The following PHYHIPL variants were observed in gnomAD, a reference collection of about 807,000 sequenced individuals.
The protein encoded by PHYHIPL is phytanoyl-CoA 2-hydroxylase interacting protein like.
A neutral mutation model predicts 33.4 loss-of-function variants in PHYHIPL; 9 were observed. The observed-to-expected ratio is 0.27, with a 90% CI of 0.16 to 0.47. PHYHIPL has a LOEUF of 0.47. PHYHIPL is among the 20% of genes least tolerant of loss of function. PHYHIPL has a pLI of 0.99. For missense variants in PHYHIPL, 365 were observed against 460.7 expected (o/e 0.79, Z 1.90); for synonymous variants, 153 against 154.1 (o/e 0.99, Z 0.05).
At chr10:59,225,256 T>C (rs1038175021) in intron 1 of PHYHIPL, among the ~76,000 whole-genome samples, 2 of 150,690 alleles carry the variant, frequency 1.3e-5, no homozygotes, top group Admixed American at 1.3e-4. Context: ...TGGAATCCCA[T>C]TGTAAAAGTT....
At chr10:59,206,539 AT>A (rs1249081598) in intron 1 of PHYHIPL, among the ~76,000 whole-genome samples, 1 of 152,224 alleles carries the variant, frequency 6.6e-6, no homozygotes, top group African/African-American at 2.4e-5. Context: ...AATTCTGGAA[AT>A]TCTAGAAATT....
At chr10:59,199,760 G>A (rs1359995650) in intron 1 of PHYHIPL, among the ~76,000 whole-genome samples, 1 of 152,104 alleles carries the variant, frequency 6.6e-6, no homozygotes, top group Non-Finnish European at 1.5e-5. Context: ...TCTCCTTGAA[G>A]AGGTCCTTCA....
intron 1 of PHYHIPL, among the ~76,000 whole-genome samples, chr10:59,183,174 A>G (rs1383463239): frequency 2.0e-5 from 3 of 151,842 alleles, no homozygotes; most frequent in African/African-American, 4.8e-5. Flanking sequence ...CTCAAAGGCT[A>G]TACAAGGTCT....
intron 1 of PHYHIPL, chr10:59,177,243 C>G (rs1052956310): frequency 1.7e-6 from 1 of 583,824 alleles, no homozygotes; most frequent in Non-Finnish European, 2.9e-6. Context: ...CGTTCCCGCT[C>G]GCGGCTCCTG....
intron 1 of PHYHIPL, among the ~76,000 whole-genome samples, chr10:59,178,631 G>A: frequency 6.6e-6 from 1 of 152,046 alleles, no homozygotes; most frequent in East Asian, 1.9e-4. Context: ...AATGGAATTA[G>A]GCATTCATTG....
At chr10:59,206,254 A>G (rs1839282039) in intron 1 of PHYHIPL, among the ~76,000 whole-genome samples, 1 of 152,142 alleles carries the variant, frequency 6.6e-6, no homozygotes, top group Non-Finnish European at 1.5e-5. Context: ...CTTGATACAA[A>G]CAATAACCTA....
intron 1 of PHYHIPL, among the ~76,000 whole-genome samples, chr10:59,218,390 A>G (rs923719369): frequency 6.6e-6 from 1 of 152,148 alleles, no homozygotes; most frequent in Admixed American, 6.6e-5. Context: ...AAATTTTACT[A>G]ATTTAAGTAA....
Position 59,245,890 on chromosome 10 carries a change from T to C in PHYHIPL, c.*299T>C, listed in dbSNP as rs534242487. 4 of 309,530 alleles carry C rather than the reference T, an allele frequency of 1.3e-5. No individual in the cohort carries two copies. The highest frequency in any genetic ancestry group is 8.6e-5 in the African/African-American group (4 of 46,518). The allele number at this position is 309,530 out of a possible 1,614,324, so 19.2% of individuals were successfully genotyped here. On this transcript the variant is annotated 3_prime_UTR_variant, in exon 5 of 5. Coordinates refer to ENST00000373880, the MANE Select transcript of PHYHIPL (RefSeq NM_032439.4). ...TTTATGCCAAACATAACAAAACAGT[T>C]ATATAGACTGCTTTAGCAAAGTACA...
rs1049529376 is a variant in PHYHIPL, at chr10:59,236,355, TTCCCTTCTTCCTTCCCTCCTTC to T, written c.304-120_304-99del. ...TTTCCCTCCTTCCTTCCCTCCCTCC[TTCCCTTCTTCCTTCCCTCCTTC>T]TCCCTTCCCTCCTTCCTCCCTTCTC... On this transcript the variant is annotated intron_variant, in intron 2 of 4. Transcript: ENST00000373880. The T allele has an allele frequency of 4.4e-4, 205 of 463,776 alleles. 1 individual carries two copies. In the East Asian group the frequency reaches 5.9e-3, roughly 13 times the overall value. 28.7% of individuals were successfully genotyped at this position (463,776 alleles called of 1,614,324 possible). A position where few individuals can be genotyped will look rare whatever the true frequency, so the allele number is the denominator to read the frequency against.
intron 1 of PHYHIPL, chr10:59,219,269 G>T: frequency 2.2e-6 from 2 of 924,622 alleles, no homozygotes; most frequent in Non-Finnish European, 2.6e-6. Context: ...GGAATAAATT[G>T]CTGTAGTGTT....
chr10:59,197,704 T>C (rs567307035), intron 1 of PHYHIPL, among the ~76,000 whole-genome samples: 1 of 152,326 alleles, frequency 6.6e-6, no homozygotes, highest in East Asian at 1.9e-4. Context: ...CACTTTACTT[T>C]TACTTATTTA....
chr10:59,194,729 C>T (rs935647478), intron 1 of PHYHIPL, among the ~76,000 whole-genome samples: 10 of 152,104 alleles, frequency 6.6e-5, no homozygotes, highest in East Asian at 1.9e-4. Flanking sequence ...CTTAAAACAA[C>T]GGTTTCTTAA....
At chr10:59,205,075 G>A (rs1412300541) in intron 1 of PHYHIPL, among the ~76,000 whole-genome samples, 2 of 152,052 alleles carry the variant, frequency 1.3e-5, no homozygotes, top group Non-Finnish European at 2.9e-5. Flanking sequence ...GGTTGGCCTC[G>A]AACTCCTGAC....
chr10:59,205,387 G>GA (rs1342774657), intron 1 of PHYHIPL, among the ~76,000 whole-genome samples: 1 of 152,012 alleles, frequency 6.6e-6, no homozygotes, highest in Non-Finnish European at 1.5e-5. Context: ...CTCTTTAAAA[G>GA]AAAATTACAA....
intron 1 of PHYHIPL, among the ~76,000 whole-genome samples, chr10:59,192,582 T>G (rs1160614322): frequency 6.6e-6 from 1 of 152,104 alleles, no homozygotes; most frequent in Non-Finnish European, 1.5e-5. Flanking sequence ...ATTGGATGAA[T>G]GAACTGGGAT....
intron 3 of PHYHIPL, 90 bp from the exon 4 acceptor site, chr10:59,238,498 G>A (rs1482848456): frequency 3.0e-6 from 2 of 660,200 alleles, no homozygotes; most frequent in Non-Finnish European, 5.3e-6. Flanking sequence ...TTCCCTAGAG[G>A]TGAATTTTAA....
At chr10:59,224,151 A>G (rs1839855362) in intron 1 of PHYHIPL, among the ~76,000 whole-genome samples, 1 of 152,150 alleles carries the variant, frequency 6.6e-6, no homozygotes, top group Non-Finnish European at 1.5e-5. Flanking sequence ...ATTGTGTTAT[A>G]CGGGTGAATG....
intron 1 of PHYHIPL, among the ~76,000 whole-genome samples, chr10:59,229,678 A>AT (rs111398020): frequency 0.034 from 5,154 of 152,184 alleles, 292 homozygotes; most frequent in African/African-American, 0.12. Flanking sequence ...ATAGACAAAA[A>AT]AAATAAATAA....
chr10:59,245,123 C>T lies in PHYHIPL; in HGVS notation c.663C>T (p.Ile221=), dbSNP rs1203096723. ...KDNSGSHGSP[I]SGKLEGIFFS... ...ACAGTGGTAGCCATGGCTCTCCTAT[C>T]AGTGGAAAATTAGAAGGCATCTTCT... Residue 221 remains isoleucine, a synonymous_variant, in exon 5 of 5, where the codon ATC becomes ATT. Transcript: ENST00000373880. The T allele has an allele frequency of 1.2e-6, 2 of 1,614,040 alleles. No homozygotes were observed. The highest frequency in any genetic ancestry group is 1.7e-6 in the Non-Finnish European group (2 of 1,179,958).
Sources: gnomAD v4.1 joint callset for allele counts (sites outside exome capture counted in the v4.1 genomes callset) on GRCh38, gnomAD v4.1.1 for gene constraint, MANE v1.5 for transcripts, NCBI Gene and HGNC (gene_info 2026-07-23, HGNC 2026-07-21) for gene names.